The following WDR62 variants were observed in gnomAD, a reference collection of about 807,000 sequenced individuals.
The protein encoded by WDR62 is WD repeat domain 62, also known as WD repeat-containing protein 62.
WDR62 carries 112 observed loss-of-function variants against 160.6 expected under a neutral mutation model. The ratio of observed to expected loss-of-function variants is 0.70; its 90% CI spans 0.60 to 0.82. WDR62 has a LOEUF of 0.82. WDR62 is among the 40% of genes least tolerant of loss of function. WDR62 has a pLI of 0.00. For missense variants in WDR62, 1,819 were observed against 1,983.8 expected, an observed-to-expected ratio of 0.92 and a Z score of 1.58; for synonymous variants, 792 against 815.1, an observed-to-expected ratio of 0.97 and a Z score of 0.48.
intron 8 of WDR62, among the ~76,000 whole-genome samples, chr19:36,072,970 CAG>C (rs1245839297): frequency 6.6e-6 from 1 of 152,196 alleles, no homozygotes; most frequent in African/African-American, 2.4e-5. Flanking sequence ...CCTTAGGACA[CAG>C]AGGCTTTTTG....
rs1300094741 is a variant in WDR62, at chr19:36,083,084, G to A, written c.1393G>A (p.Val465Met). 6.8e-6 allele frequency: 11 copies of A among 1,613,018 alleles called. No individual in the cohort carries two copies. Among genetic ancestry groups the A allele is most frequent in the Middle Eastern group, 1.7e-4 (1 of 6,060 alleles). Residue 465 changes from valine (V) to methionine (M), a missense_variant, in exon 11 of 32, where the codon GTG (valine) becomes ATG (methionine). Around this residue, in one of 3 missense-constraint regions of WDR62, gnomAD observed 934 missense variants for 1,157.2 expected, o/e 0.81. Transcript: ENST00000401500. ...GCAGACCCTGCTGAAGGTCGTGTACGTGGAGAATGACATCCAGCACCTGCA... is the reference window on the plus strand; with the variant it reads ...GCAGACCCTGCTGAAGGTCGTGTACATGGAGAATGACATCCAGCACCTGCA... ...FSNTLLKVVY[V>M]ENDIQHLQDM...
At chr19:36,067,736 T>C in intron 6 of WDR62, 92 bp from the exon 7 acceptor site, 5 of 1,432,926 alleles carry the variant, frequency 3.5e-6, no homozygotes, top group Non-Finnish European at 4.9e-6. Context: ...AAGAGCTTCT[T>C]AGAGTTCTCC....
Position 36,054,986 on chromosome 19 carries a change from G to C in WDR62, c.15G>C (p.Gly5=), listed in dbSNP as rs773639349. 6.2e-7 allele frequency: 1 copy of C among 1,604,292 alleles called. No homozygotes were observed. Among genetic ancestry groups the C allele is most frequent in the African/African-American group, 1.3e-5 (1 of 74,874 alleles). Residue 5 remains glycine, a synonymous_variant, in exon 1 of 32, where the codon GGG becomes GGC. Transcript: ENST00000401500. ...CCGGCGTGACGATGGCGGCCGTAGG[G>C]TCCGGAGGCTATGCGCGGAACGATG... The part of the protein sequence containing the change: MAAV[G]SGGYARNDAG...
chr19:36,102,468 G>A (rs1973423585), intron 26 of WDR62: 4 of 584,026 alleles, frequency 6.8e-6, no homozygotes, highest in Middle Eastern at 4.6e-4. Flanking sequence ...CACCATGTTG[G>A]CCAGACTGGT....
intron 7 of WDR62, among the ~76,000 whole-genome samples, chr19:36,068,819 A>G (rs941615510): frequency 6.6e-6 from 1 of 152,118 alleles, no homozygotes; most frequent in African/African-American, 2.4e-5. Context: ...CCCCTTTTCT[A>G]TTCCACAAAA....
intron 8 of WDR62, among the ~76,000 whole-genome samples, chr19:36,072,931 C>T (rs1971375333): frequency 6.6e-6 from 1 of 152,150 alleles, no homozygotes; most frequent in African/African-American, 2.4e-5. Context: ...CATAGGGAGA[C>T]CCCAGGCCAA....
intron 3 of WDR62, chr19:36,061,609 C>T (rs1423781276): frequency 6.6e-6 from 1 of 152,186 alleles, no homozygotes; most frequent in African/African-American, 2.4e-5. Flanking sequence ...CCTGTGTTGC[C>T]TCCCTAATCC....
Position 36,083,168 on chromosome 19 carries a change from G to A in WDR62, c.1477G>A (p.Ala493Thr), listed in dbSNP as rs1972002524. ...SENGTPMDVKAGVRVMQVSPD... is the reference protein window; with the variant it reads ...SENGTPMDVKTGVRVMQVSPD... ...GAATGGGACACCCATGGACGTGAAA[G>A]CCGGGGTGCGGGTCATGCAGGTCAG... is the stretch of plus-strand genomic sequence containing the variant. The change falls in exon 11 of 32, where the codon GCC (alanine) becomes ACC (threonine). Residue 493 changes from alanine (A) to threonine (T), a missense_variant. By Grantham distance (58) the Ala-to-Thr change is moderately conservative. Around this residue, in one of 3 missense-constraint regions of WDR62, gnomAD observed 934 missense variants for 1,157.2 expected, o/e 0.81. Coordinates refer to ENST00000401500, the MANE Select transcript of WDR62 (RefSeq NM_001083961.2). 1 of 1,612,540 alleles carries A rather than the reference G, an allele frequency of 6.2e-7. No homozygotes were observed. The highest frequency in any genetic ancestry group is 8.5e-7 in the Non-Finnish European group (1 of 1,179,324).
At position 36,099,410 on chromosome 19, in the gene WDR62, T is replaced by C; in HGVS notation, c.2532T>C (p.Asp844=). The C allele has an allele frequency of 2.9e-5, 47 of 1,613,630 alleles. No individual in the cohort carries two copies. Among genetic ancestry groups the C allele is most frequent in the Non-Finnish European group, 3.8e-5 (45 of 1,180,014 alleles). The change falls in exon 22 of 32, where the codon GAT becomes GAC. Residue 844 remains aspartate (D), a synonymous_variant. Transcript: ENST00000401500. ...PLWAKRLLGD[D]DVADGLAFHA... is the part of the protein sequence containing the mutation. ...CGATATCCTTCAAGCTAGGGGACGA[T>C]GATGTGGCAGATGGCTTGGCCTTCC...
At chr19:36,095,431 A>G (rs1267434939) in intron 20 of WDR62, among the ~76,000 whole-genome samples, 1 of 152,212 alleles carries the variant, frequency 6.6e-6, no homozygotes, top group African/African-American at 2.4e-5. Flanking sequence ...ACATCTCAGC[A>G]TGTGATCACT....
chr19:36,061,976 C>G (rs1342546930), intron 3 of WDR62: 2 of 150,680 alleles, frequency 1.3e-5, no homozygotes, highest in Non-Finnish European at 2.9e-5. Flanking sequence ...CAGAGTCTTG[C>G]TCTGTCACCC....
At chr19:36,101,392 A>G in intron 24 of WDR62, 75 bp downstream of exon 24, 4 of 1,290,782 alleles carry the variant, frequency 3.1e-6, no homozygotes, top group Non-Finnish European at 4.4e-6. Flanking sequence ...ACCGATGGTG[A>G]CTTTGACCCA....
chr19:36,108,460 A>C (rs114085215), downstream of WDR62, among the ~76,000 whole-genome samples: 1,580 of 151,770 alleles, frequency 0.01, 12 homozygotes, highest in South Asian at 0.042. Context: ...CAGGCATCCC[A>C]GTCAGGGCTG....
downstream of WDR62, among the ~76,000 whole-genome samples, chr19:36,109,688 C>T (rs190071447): frequency 2.0e-3 from 307 of 151,586 alleles, 2 homozygotes; most frequent in African/African-American, 7.0e-3. Context: ...GTGTGGAGAT[C>T]GTACCACTGC....
intron 11 of WDR62, among the ~76,000 whole-genome samples, chr19:36,083,911 A>T (rs1972051211): frequency 6.6e-6 from 1 of 152,138 alleles, no homozygotes; most frequent in Non-Finnish European, 1.5e-5. Context: ...TTTTTCTGTG[A>T]AATTCGATAA....
chr19:36,083,898 A>AT (rs1972050654), intron 11 of WDR62, among the ~76,000 whole-genome samples: 1 of 152,062 alleles, frequency 6.6e-6, no homozygotes, highest in African/African-American at 2.4e-5. Flanking sequence ...GAAAGTGCCG[A>AT]TTTTTTTCTG....
intron 9 of WDR62, among the ~76,000 whole-genome samples, chr19:36,079,988 CTT>C (rs1315458938): frequency 6.6e-6 from 1 of 152,166 alleles, no homozygotes; most frequent in Non-Finnish European, 1.5e-5. Context: ...TTTGAAATCT[CTT>C]TATATGGTGG....
rs201745974 is a variant in WDR62 at position 36,066,287 on chromosome 19, G to C, written c.421G>C (p.Asp141His). ...NGHRPAVRIW[D>H]VEEKNQVAEM... The stretch of plus-strand genomic sequence containing the variant: ...GCATAGGCCTGCTGTGCGCATCTGG[G>C]ATGTGGAGGAGAAGAATCAGGTGGC... Residue 141 changes from aspartate to histidine, a missense_variant, in exon 5 of 32, where the codon GAT becomes CAT. Physicochemically the swap from Asp to His is moderately conservative, Grantham distance 81. This residue lies in a region of WDR62 where 934 missense variants were observed against 1,157.2 expected (regional missense o/e 0.81). Transcript: ENST00000401500. The C allele has an allele frequency of 6.2e-7, 1 of 1,614,234 alleles. No individual in the cohort carries two copies. The highest frequency in any genetic ancestry group is 1.7e-5 in the Admixed American group (1 of 60,032).
chr19:36,055,620 C>T (rs190066068), intron 1 of WDR62, among the ~76,000 whole-genome samples: 1 of 152,326 alleles, frequency 6.6e-6, no homozygotes, highest in East Asian at 1.9e-4. Context: ...CCTTTTTCCT[C>T]ACCAAGGTGG....
Sources: allele counts gnomAD v4.1 joint callset (sites outside exome capture counted in the v4.1 genomes callset), GRCh38; gene constraint gnomAD v4.1.1; regional missense constraint gnomAD v4.1.1; transcripts MANE v1.5; gene names NCBI Gene and HGNC (gene_info 2026-07-23, HGNC 2026-07-21).